Variants in SPATA7 observed in about 807,000 individuals in gnomAD.
The protein encoded by SPATA7 is spermatogenesis associated 7, also known as spermatogenesis-associated protein 7.
A neutral mutation model predicts 51.8 loss-of-function variants in SPATA7; 43 were observed. That is an observed-to-expected ratio of 0.83 (90% CI 0.65 to 1.07). The LOEUF (loss-of-function observed/expected upper bound fraction) is 1.07. SPATA7 is among the 50% of genes least tolerant of loss of function. The probability of loss-of-function intolerance (pLI) is 0.00; values close to 1 mark genes in which losing one functional copy is unlikely to be tolerated. For missense variants in SPATA7, 683 were observed against 701.3 expected (o/e 0.97, Z 0.30); for synonymous variants, 230 against 252.8 (o/e 0.91, Z 0.86).
At chr14:88,415,287 TC>T in intron 4 of SPATA7, 1 of 321,992 alleles carries the variant, frequency 3.1e-6, no homozygotes, top group Non-Finnish European at 6.5e-6. Context: ...TGGAATTGAA[TC>T]CTTCGTCATT....
chr14:88,394,466 C>A (rs1167588066), intron 3 of SPATA7, among the ~76,000 whole-genome samples: 2 of 152,152 alleles, frequency 1.3e-5, no homozygotes, highest in African/African-American at 2.4e-5. Flanking sequence ...GACTAATTCA[C>A]ACTGTTCTGT....
At chr14:88,458,201 G>A (rs1427475018), downstream of SPATA7, among the ~76,000 whole-genome samples, 2 of 152,052 alleles carry the variant, frequency 1.3e-5, no homozygotes, top group African/African-American at 2.4e-5. Flanking sequence ...TTTTTGTTGT[G>A]TCTTTGTCAG....
intron 4 of SPATA7, among the ~76,000 whole-genome samples, chr14:88,413,736 T>G (rs1247655745): frequency 6.6e-6 from 1 of 151,200 alleles, no homozygotes; most frequent in Non-Finnish European, 1.5e-5. Context: ...CCTAATTTGT[T>G]GAGGGTTTTT....
At chr14:88,404,017 G>A (rs74073672) in intron 4 of SPATA7, among the ~76,000 whole-genome samples, 5,357 of 151,960 alleles carry the variant, frequency 0.035, 306 homozygotes, top group African/African-American at 0.12. Flanking sequence ...AACATATACA[G>A]TTTGTCTGCT....
chr14:88,447,578 C>A lies in SPATA7; in HGVS notation c.178-7482C>A, dbSNP rs149974962. 2.1e-3 allele frequency among the ~76,000 whole-genome samples: 318 copies of A among 152,146 alleles called. 4 individuals are homozygous for A. Among genetic ancestry groups the A allele is most frequent in the African/African-American group, 7.3e-3 (301 of 41,504 alleles). Reference sequence around the variant, plus strand: ...TTAGTTGATGTAGTTTCTTCGTAGTCTCGATGGTCTTTACATTTTGGCATG... The same window carrying A: ...TTAGTTGATGTAGTTTCTTCGTAGTATCGATGGTCTTTACATTTTGGCATG... On this transcript the variant is annotated intron_variant, in intron 3 of 3. Transcript: ENST00000554802.
intron 3 of SPATA7, among the ~76,000 whole-genome samples, chr14:88,450,767 A>G (rs529920686): frequency 9.8e-5 from 15 of 152,304 alleles, no homozygotes; most frequent in Non-Finnish European, 1.9e-4. Context: ...CCTGATGACT[A>G]TGTGCCTAGG....
At chr14:88,468,811 C>T (rs1566803629) in intron 4 of SPATA7, 1 of 1,432,616 alleles carries the variant, frequency 7.0e-7, no homozygotes, top group East Asian at 2.3e-5. Flanking sequence ...GAGGCCACCA[C>T]AGTCCAAGGA....
chr14:88,468,198 CAG>C, intron 4 of SPATA7: 1 of 1,612,124 alleles, frequency 6.2e-7, no homozygotes, highest in Non-Finnish European at 8.5e-7. Flanking sequence ...TGTGTACTGG[CAG>C]AGAGTCTGCA....
chr14:88,458,489 T>C (rs1403565071), downstream of SPATA7, among the ~76,000 whole-genome samples: 1 of 152,206 alleles, frequency 6.6e-6, no homozygotes, highest in Non-Finnish European at 1.5e-5. Context: ...CCATTTCTTC[T>C]AGATTTTCTA....
chr14:88,432,852 T>C (rs1293896417), intron 9 of SPATA7: 3 of 294,284 alleles, frequency 1.0e-5, no homozygotes, highest in Non-Finnish European at 1.9e-5. Flanking sequence ...CTTCGTTGCT[T>C]TCTTTTTGTG....
At chr14:88,423,397 GA>G (rs1366486647) in intron 5 of SPATA7, among the ~76,000 whole-genome samples, 1,911 of 126,360 alleles carry the variant, frequency 0.015, 37 homozygotes, top group African/African-American at 0.052. Flanking sequence ...AAAAATACAA[GA>G]AAAAAAAAAA....
intron 9 of SPATA7, 133 bp from the exon 10 acceptor site, chr14:88,433,002 C>T (rs2076981543): frequency 3.0e-6 from 2 of 673,396 alleles, no homozygotes; most frequent in Non-Finnish European, 5.1e-6. Context: ...GTAATATTCC[C>T]CTTAGTAATA....
At chr14:88,463,429 T>C (rs73329623) in intron 4 of SPATA7, among the ~76,000 whole-genome samples, 105 of 152,298 alleles carry the variant, frequency 6.9e-4, no homozygotes, top group African/African-American at 2.5e-3. Flanking sequence ...TTCAGTTGCT[T>C]TCTGAGTCTT....
At chr14:88,440,618 G>A (rs2077172053), downstream of SPATA7, among the ~76,000 whole-genome samples, 2 of 152,058 alleles carry the variant, frequency 1.3e-5, no homozygotes, top group South Asian at 4.1e-4. Context: ...ATCAACTGAG[G>A]CTGAGAGGCA....
intron 4 of SPATA7, chr14:88,415,201 A>G (rs184513692): frequency 1.2e-5 from 4 of 323,236 alleles, no homozygotes; most frequent in Non-Finnish European, 2.6e-5. Flanking sequence ...AAATCTTTTC[A>G]TAGGTCTAGA....
chr14:88,393,692 A>G (rs1190732342), intron 3 of SPATA7: 2 of 437,724 alleles, frequency 4.6e-6, no homozygotes, highest in Non-Finnish European at 8.3e-6. Context: ...AAATCTATAT[A>G]TTGCCTATTT....
At chr14:88,466,457 A>G (rs1249709128) in intron 4 of SPATA7, 1 of 152,148 alleles carries the variant, frequency 6.6e-6, no homozygotes. Context: ...TGTAGTGCTC[A>G]AGGAAGTGAG....
At chr14:88,450,157 T>C (rs1345041159) in intron 3 of SPATA7, among the ~76,000 whole-genome samples, 1 of 152,054 alleles carries the variant, frequency 6.6e-6, no homozygotes. Flanking sequence ...GAGTAGCTAT[T>C]CCACCCCTTT....
At chr14:88,461,350 G>C (rs1162069781) in intron 4 of SPATA7, among the ~76,000 whole-genome samples, 2 of 152,194 alleles carry the variant, frequency 1.3e-5, no homozygotes, top group African/African-American at 4.8e-5. Context: ...GCTGTGGTGG[G>C]CTCCACCCAG....
Sources: gnomAD v4.1 joint callset for allele counts (sites outside exome capture counted in the v4.1 genomes callset) on GRCh38, gnomAD v4.1.1 for gene constraint, MANE v1.5 for transcripts, NCBI Gene and HGNC (gene_info 2026-07-23, HGNC 2026-07-21) for gene names.